SLC44A1: variants seen among roughly 807,000 people sequenced by gnomAD.
SLC44A1 encodes the protein solute carrier family 44 member 1.
A neutral mutation model predicts 79.3 loss-of-function variants in SLC44A1; 26 were observed. The ratio of observed to expected loss-of-function variants is 0.33; its 90% CI spans 0.24 to 0.46. SLC44A1 has a LOEUF of 0.46. SLC44A1 is among the 20% of genes least tolerant of loss of function. The probability of loss-of-function intolerance (pLI) is 1.00; values close to 1 mark genes in which losing one functional copy is unlikely to be tolerated. For missense variants in SLC44A1, 688 were observed against 798.1 expected (o/e 0.86, Z 1.66); for synonymous variants, 263 against 286.2 (o/e 0.92, Z 0.82).
chr9:105,254,228 T>C (rs1024116751), intron 1 of SLC44A1, among the ~76,000 whole-genome samples: 1 of 152,184 alleles, frequency 6.6e-6, no homozygotes, highest in Non-Finnish European at 1.5e-5. Flanking sequence ...GGAAGGTAGC[T>C]TTTTCTTAAT....
At chr9:105,291,580 G>A (rs868137961) in intron 1 of SLC44A1, among the ~76,000 whole-genome samples, 1 of 151,986 alleles carries the variant, frequency 6.6e-6, no homozygotes, top group African/African-American at 2.4e-5. Context: ...ATTGGGGGAG[G>A]GGTTGATTAC....
chr9:105,343,889 C>T (rs952348514), intron 4 of SLC44A1, among the ~76,000 whole-genome samples: 5 of 152,112 alleles, frequency 3.3e-5, no homozygotes, highest in Admixed American at 2.0e-4. Context: ...TTATGTGTGC[C>T]TAGTGTGTGC....
chr9:105,282,794 C>G (rs1224101912), intron 1 of SLC44A1, among the ~76,000 whole-genome samples: 2 of 152,192 alleles, frequency 1.3e-5, no homozygotes, highest in African/African-American at 4.8e-5. Flanking sequence ...GATCCACCCC[C>G]CTTGGCCTCC....
intron 15 of SLC44A1, among the ~76,000 whole-genome samples, chr9:105,413,510 C>T (rs1270460351): frequency 2.0e-5 from 3 of 152,216 alleles, no homozygotes; most frequent in Non-Finnish European, 4.4e-5. Context: ...AACAGAACCA[C>T]AGACCAAAGA....
At chr9:105,278,243 CTATT>C (rs577449203) in intron 1 of SLC44A1, among the ~76,000 whole-genome samples, 3 of 149,772 alleles carry the variant, frequency 2.0e-5, no homozygotes, top group African/African-American at 4.9e-5. Context: ...TTTTCTTTTT[CTATT>C]TATTTATTTA....
intron 12 of SLC44A1, among the ~76,000 whole-genome samples, chr9:105,367,348 G>T (rs1490546058): frequency 1.3e-5 from 2 of 152,070 alleles, no homozygotes; most frequent in African/African-American, 4.8e-5. Flanking sequence ...GCTTTATTGG[G>T]TTCTATGGTT....
intron 15 of SLC44A1, among the ~76,000 whole-genome samples, chr9:105,433,376 G>C (rs895135715): frequency 1.3e-5 from 2 of 152,000 alleles, no homozygotes; most frequent in African/African-American, 4.8e-5. Flanking sequence ...GATTTAAATG[G>C]GTACCCCACA....
At chr9:105,253,942 C>T (rs897757952) in intron 1 of SLC44A1, among the ~76,000 whole-genome samples, 16 of 152,210 alleles carry the variant, frequency 1.1e-4, no homozygotes, top group Admixed American at 7.8e-4. Flanking sequence ...AGGCTGGTCT[C>T]GAACTCCTGA....
intron 1 of SLC44A1, among the ~76,000 whole-genome samples, chr9:105,253,561 T>C (rs1222739149): frequency 6.6e-6 from 1 of 152,134 alleles, no homozygotes; most frequent in African/African-American, 2.4e-5. Flanking sequence ...GACCCATCTC[T>C]ACAAAAAATA....
At chr9:105,265,758 C>G (rs1296920546) in intron 1 of SLC44A1, among the ~76,000 whole-genome samples, 3 of 152,216 alleles carry the variant, frequency 2.0e-5, no homozygotes, top group Non-Finnish European at 4.4e-5. Flanking sequence ...TCTAATTGTT[C>G]CATATCCTCG....
chr9:105,283,785 A>G (rs1830413110), intron 1 of SLC44A1, among the ~76,000 whole-genome samples: 3 of 152,200 alleles, frequency 2.0e-5, no homozygotes, highest in Non-Finnish European at 4.4e-5. Flanking sequence ...TAGTCTGTAT[A>G]TATTCTTCCC....
chr9:105,269,566 C>G (rs1392756026), intron 1 of SLC44A1, among the ~76,000 whole-genome samples: 1 of 152,166 alleles, frequency 6.6e-6, no homozygotes, highest in Non-Finnish European at 1.5e-5. Context: ...CTTACTGGTC[C>G]CCTCTTTCTT....
chr9:105,274,881 AGTT>A (rs1177434320), intron 1 of SLC44A1, among the ~76,000 whole-genome samples: 3 of 152,206 alleles, frequency 2.0e-5, no homozygotes, highest in Non-Finnish European at 4.4e-5. Context: ...AGGAACTCTT[AGTT>A]ATCTCATCCA....
At chr9:105,268,694 T>G (rs1013332379) in intron 1 of SLC44A1, among the ~76,000 whole-genome samples, 6 of 152,190 alleles carry the variant, frequency 3.9e-5, no homozygotes, top group Middle Eastern at 3.4e-3. Context: ...GAGACAAGGT[T>G]TCACCAAGTT....
intron 3 of SLC44A1, among the ~76,000 whole-genome samples, chr9:105,331,485 T>C (rs1366357544): frequency 1.3e-5 from 2 of 152,248 alleles, no homozygotes; most frequent in African/African-American, 2.4e-5. Flanking sequence ...AAACTATCAG[T>C]TCATTTTGTT....
chr9:105,278,811 T>C (rs1214042999), intron 1 of SLC44A1, among the ~76,000 whole-genome samples: 1 of 152,222 alleles, frequency 6.6e-6, no homozygotes, highest in Non-Finnish European at 1.5e-5. Flanking sequence ...ACTTTCAGCT[T>C]TTTTTTCCGC....
At chr9:105,343,595 A>G (rs896468032) in intron 4 of SLC44A1, among the ~76,000 whole-genome samples, 1 of 152,210 alleles carries the variant, frequency 6.6e-6, no homozygotes, top group Non-Finnish European at 1.5e-5. Flanking sequence ...GAATGAAATG[A>G]TCAACTCTAG....
intron 15 of SLC44A1, among the ~76,000 whole-genome samples, chr9:105,411,437 G>T: frequency 2.1e-5 from 3 of 141,730 alleles, no homozygotes; most frequent in Admixed American, 7.0e-5. Flanking sequence ...CATCTCTCTT[G>T]GTCTCTCTCT....
Position 105,389,580 on chromosome 9 carries a change from A to G in SLC44A1, c.*524A>G. 8.9e-7 allele frequency: 1 copy of G among 1,125,886 alleles called. No homozygotes were observed. The allele number at this position is 1,125,886 out of a possible 1,614,324, so 69.7% of individuals were successfully genotyped here. A position where few individuals can be genotyped will look rare whatever the true frequency, so the allele number is the denominator to read the frequency against. On this transcript the variant is annotated 3_prime_UTR_variant, in exon 16 of 16. Coordinates refer to ENST00000374720, the MANE Select transcript of SLC44A1 (RefSeq NM_080546.5). ...ACTCCAATCAGTTTTCCCCAATCAAAGAAGCCATGTCATTTTACTTTTAGA... is the reference window on the plus strand; with the variant it reads ...ACTCCAATCAGTTTTCCCCAATCAAGGAAGCCATGTCATTTTACTTTTAGA...
Sources: gnomAD v4.1 joint callset for allele counts (sites outside exome capture counted in the v4.1 genomes callset) on GRCh38, gnomAD v4.1.1 for gene constraint, MANE v1.5 for transcripts, NCBI Gene and HGNC (gene_info 2026-07-23, HGNC 2026-07-21) for gene names.